Variants in SLCO3A1 observed in about 807,000 individuals in gnomAD.
SLCO3A1 encodes PGE1 transporter.
Under a neutral mutation model 63.1 loss-of-function variants are expected in SLCO3A1, and 27 were observed. The observed-to-expected ratio is 0.43, with a 90% CI of 0.32 to 0.59. The LOEUF (loss-of-function observed/expected upper bound fraction) is 0.59, where lower values mean the gene tolerates loss of function less well. SLCO3A1 is among the 20% of genes least tolerant of loss of function. The pLI is 0.09. For synonymous variants in SLCO3A1, 473 were observed against 409.9 expected (o/e 1.15, Z -1.86); for missense variants, 773 against 945.8 (o/e 0.82, Z 2.40).
intron 2 of SLCO3A1, among the ~76,000 whole-genome samples, chr15:92,086,581 G>C (rs2892291): frequency 0.53 from 80,561 of 151,918 alleles, 23,226 homozygotes; most frequent in Non-Finnish European, 0.65. Context: ...CATTCTTGGT[G>C]AACTCTTCTG....
intron 4 of SLCO3A1, among the ~76,000 whole-genome samples, chr15:92,115,902 A>T (rs1334955416): frequency 1.4e-5 from 2 of 144,090 alleles, no homozygotes; most frequent in African/African-American, 2.6e-5. Context: ...GAAATTTTTT[A>T]TTATTATTAT....
intron 2 of SLCO3A1, among the ~76,000 whole-genome samples, chr15:91,931,817 A>ACACACACT (rs1899245404): frequency 6.6e-6 from 1 of 151,828 alleles, no homozygotes; most frequent in African/African-American, 2.4e-5. Context: ...ACACACACAC[A>ACACACACT]CACACTCACA....
Position 92,124,642 on chromosome 15 carries a change from C to CAG in SLCO3A1, c.1175-1402_1175-1401dup, listed in dbSNP as rs201300846. On this transcript the variant is annotated intron_variant, in intron 5 of 9. Transcript: ENST00000318445. ...TGTCCACAGGAAAGCTGTATCCTAGCAGAGAGAGAGAGAGAGAGCAAGAAA... is the reference window on the plus strand; with the variant it reads ...TGTCCACAGGAAAGCTGTATCCTAGCAGAGAGAGAGAGAGAGAGAGCAAGAAA... 4.6e-3 allele frequency among the ~76,000 whole-genome samples: 682 copies of CAG among 149,208 alleles called. 2 individuals carry two copies. Among genetic ancestry groups the CAG allele is most frequent in the African/African-American group, 0.014 (570 of 40,834 alleles).
At chr15:91,915,952 C>T (rs750214114) in intron 1 of SLCO3A1, 41 bp from the exon 2 acceptor site, 2 of 1,536,920 alleles carry the variant, frequency 1.3e-6, no homozygotes, top group Non-Finnish European at 1.8e-6. Context: ...TCCTGGGCAT[C>T]TTCTTGGATT....
At chr15:92,167,999 C>A (rs1005218720), downstream of SLCO3A1, among the ~76,000 whole-genome samples, 1 of 152,172 alleles carries the variant, frequency 6.6e-6, no homozygotes, top group Non-Finnish European at 1.5e-5. Context: ...TGTATTTTTT[C>A]ATTCCTTTAC....
intron 2 of SLCO3A1, among the ~76,000 whole-genome samples, chr15:91,935,521 T>C (rs1269602959): frequency 6.6e-6 from 1 of 152,094 alleles, no homozygotes; most frequent in Non-Finnish European, 1.5e-5. Context: ...AGCCCACCCC[T>C]ATTAGCTACT....
At chr15:92,058,496 G>C (rs1401047847) in intron 2 of SLCO3A1, among the ~76,000 whole-genome samples, 1 of 152,004 alleles carries the variant, frequency 6.6e-6, no homozygotes, top group Non-Finnish European at 1.5e-5. Context: ...TGTCCCGCAG[G>C]GTATGGCTAC....
rs1555424468 is a variant in SLCO3A1, at chr15:92,016,266, A to ATAGATATAGATAGAT, written c.647-78609_647-78608insTAGATAGATTAGATA. ...ATAGATAGATAGATTAGATAGATAG[A>ATAGATATAGATAGAT]TAGATAGATAGATAGATGTTATAGA... is the stretch of plus-strand genomic sequence containing the variant. On this transcript the variant is annotated intron_variant, in intron 2 of 9. Coordinates refer to ENST00000318445, the MANE Select transcript of SLCO3A1 (RefSeq NM_013272.4). Among the ~76,000 whole-genome samples the ATAGATATAGATAGAT allele has an allele frequency of 3.0e-5, 4 of 135,008 alleles. No homozygotes were observed. The South Asian group carries it at 6.9e-4, about 23-fold the overall frequency. The allele number at this position is 135,008 out of a possible 152,430, so 88.6% of individuals were successfully genotyped here.
chr15:91,857,998 G>A (rs1216124043), intron 1 of SLCO3A1, among the ~76,000 whole-genome samples: 1 of 151,024 alleles, frequency 6.6e-6, no homozygotes, highest in Non-Finnish European at 1.5e-5. Flanking sequence ...AGATGACTGA[G>A]TGTGGTTAAT....
intron 2 of SLCO3A1, among the ~76,000 whole-genome samples, chr15:91,991,743 C>T (rs12438982): frequency 0.049 from 7,517 of 152,284 alleles, 355 homozygotes; most frequent in Admixed American, 0.14. Context: ...CAAAACTAAA[C>T]GCACATCTCA....
At chr15:92,078,161 G>A (rs922515987) in intron 2 of SLCO3A1, among the ~76,000 whole-genome samples, 5 of 152,180 alleles carry the variant, frequency 3.3e-5, no homozygotes, top group Non-Finnish European at 5.9e-5. Context: ...AGCAGAAACC[G>A]AGTTAGTTCG....
At chr15:91,921,545 A>T (rs187342638) in intron 2 of SLCO3A1, among the ~76,000 whole-genome samples, 3 of 152,168 alleles carry the variant, frequency 2.0e-5, no homozygotes, top group Admixed American at 2.0e-4. Flanking sequence ...TTGATGATAT[A>T]GTTTTTTTTT....
chr15:92,086,374 C>T (rs1209263316), intron 2 of SLCO3A1, among the ~76,000 whole-genome samples: 1 of 152,036 alleles, frequency 6.6e-6, no homozygotes, highest in East Asian at 1.9e-4. Flanking sequence ...TGAGACTGAC[C>T]ATTTTCTTAT....
chr15:91,997,643 A>T (rs576730162), intron 2 of SLCO3A1, among the ~76,000 whole-genome samples: 1 of 152,364 alleles, frequency 6.6e-6, no homozygotes, highest in African/African-American at 2.4e-5. Flanking sequence ...ATGACATGGT[A>T]CTTATACAAA....
chr15:91,979,550 G>T (rs1438227991), intron 2 of SLCO3A1, among the ~76,000 whole-genome samples: 1 of 152,078 alleles, frequency 6.6e-6, no homozygotes, highest in Non-Finnish European at 1.5e-5. Context: ...TCCCTAAAGG[G>T]TATGACCATT....
rs184825224 is a variant in SLCO3A1 at position 91,985,973 on chromosome 15, A to G, written c.646+69515A>G. On this transcript the variant is annotated intron_variant, in intron 2 of 9. Coordinates refer to ENST00000318445, the MANE Select transcript of SLCO3A1 (RefSeq NM_013272.4). ...GGGAAGAGGGTGCCATGACCAGGGT[A>G]TGGCTCTCCCCCTTGTAACAGGCTT... Among the ~76,000 whole-genome samples, 115 of 152,264 alleles carry G rather than the reference A, an allele frequency of 7.6e-4. 1 individual carries two copies. Among genetic ancestry groups the G allele is most frequent in the Non-Finnish European group, 1.2e-3 (79 of 68,008 alleles).
intron 2 of SLCO3A1, among the ~76,000 whole-genome samples, chr15:92,014,369 C>T (rs939798947): frequency 1.3e-5 from 2 of 152,184 alleles, no homozygotes; most frequent in Non-Finnish European, 2.9e-5. Context: ...AGAAAACTGG[C>T]ACTCTTCGGA....
intron 4 of SLCO3A1, among the ~76,000 whole-genome samples, chr15:92,109,918 C>T (rs564109251): frequency 6.6e-6 from 1 of 152,164 alleles, no homozygotes; most frequent in African/African-American, 2.4e-5. Flanking sequence ...ACTTAGATTC[C>T]CGTGGCTGGG....
In SLCO3A1 at chr15:91,871,105, G is replaced by A. The variant is rs1242149731; in HGVS notation, c.180+17017G>A. 2.0e-5 allele frequency among the ~76,000 whole-genome samples: 3 copies of A among 152,108 alleles called. No individual in the cohort carries two copies. The East Asian group carries it at 5.8e-4, about 29-fold the overall frequency. On this transcript the variant is annotated intron_variant, in intron 1 of 9. Transcript: ENST00000318445. Reference sequence around the variant, plus strand: ...TGTGGTTTTTCATTTTATTCTTGCTGAAGTAAATCAGGCTATATCTTTCTT... The same window carrying A: ...TGTGGTTTTTCATTTTATTCTTGCTAAAGTAAATCAGGCTATATCTTTCTT...
Sources: gnomAD v4.1 joint callset for allele counts (sites outside exome capture counted in the v4.1 genomes callset) on GRCh38, gnomAD v4.1.1 for gene constraint, MANE v1.5 for transcripts, NCBI Gene and HGNC (gene_info 2026-07-23, HGNC 2026-07-21) for gene names.